The following ZMIZ1 variants were observed in gnomAD, a reference collection of about 807,000 sequenced individuals.
ZMIZ1 encodes the protein zinc finger MIZ domain-containing protein 1.
ZMIZ1 carries 17 observed loss-of-function variants against 113.9 expected under a neutral mutation model. The ratio of observed to expected loss-of-function variants is 0.15; its 90% CI spans 0.10 to 0.22. ZMIZ1 has a LOEUF of 0.22. Ranked by LOEUF, ZMIZ1 falls within the 10% of genes least tolerant of loss-of-function variation. The pLI, the probability that ZMIZ1 is intolerant of heterozygous loss-of-function variation, is 1.00. For synonymous variants in ZMIZ1, 607 were observed against 603.1 expected, an observed-to-expected ratio of 1.01 and a Z score of -0.09; for missense variants, 1,059 against 1,477.8, an observed-to-expected ratio of 0.72 and a Z score of 4.65.
At chr10:79,202,042 G>GCTCCAA (rs1464533814) in intron 5 of ZMIZ1, among the ~76,000 whole-genome samples, 1 of 114,704 alleles carries the variant, frequency 8.7e-6, no homozygotes, top group Non-Finnish European at 1.7e-5. Context: ...CTGCCCCTTT[G>GCTCCAA]CTCCAGTCGT....
intron 1 of ZMIZ1, among the ~76,000 whole-genome samples, chr10:79,077,344 G>A (rs1589245406): frequency 6.6e-6 from 1 of 152,318 alleles, no homozygotes; most frequent in East Asian, 1.9e-4. Flanking sequence ...TTCCTGGTGT[G>A]TGCAAGTGGG....
chr10:79,157,837 G>A (rs1845963840), intron 3 of ZMIZ1, among the ~76,000 whole-genome samples: 3 of 152,180 alleles, frequency 2.0e-5, no homozygotes, highest in Non-Finnish European at 2.9e-5. Flanking sequence ...GCCTGTCCCT[G>A]GGGTCATGTA....
chr10:79,239,478 C>T (rs1426650908), intron 7 of ZMIZ1, among the ~76,000 whole-genome samples: 1 of 152,194 alleles, frequency 6.6e-6, no homozygotes, highest in Non-Finnish European at 1.5e-5. Context: ...TGAGCGCCTA[C>T]GCCCGCATGG....
chr10:79,086,617 G>A (rs1051085387), intron 1 of ZMIZ1, among the ~76,000 whole-genome samples: 1 of 152,158 alleles, frequency 6.6e-6, no homozygotes, highest in Non-Finnish European at 1.5e-5. Flanking sequence ...GGACTCAAGC[G>A]ATCCTCCCAC....
At chr10:79,213,783 T>C (rs1049883463) in intron 6 of ZMIZ1, among the ~76,000 whole-genome samples, 1 of 152,192 alleles carries the variant, frequency 6.6e-6, no homozygotes, top group African/African-American at 2.4e-5. Flanking sequence ...CTGGATCACA[T>C]CCTGTCTCTG....
intron 1 of ZMIZ1, among the ~76,000 whole-genome samples, chr10:79,071,891 C>T (rs1589239080): frequency 6.7e-6 from 1 of 149,064 alleles, no homozygotes; most frequent in African/African-American, 2.5e-5. Context: ...TGTCCCAAAT[C>T]ACGAGGTTTT....
chr10:79,299,121 G>C lies in ZMIZ1; in HGVS notation c.1738G>C (p.Glu580Gln), dbSNP rs746826986. 1 of 1,612,312 alleles carries C rather than the reference G, an allele frequency of 6.2e-7. No individual in the cohort carries two copies. Among genetic ancestry groups the C allele is most frequent in the South Asian group, 1.1e-5 (1 of 91,080 alleles). The change falls in exon 16 of 25, where the codon GAG becomes CAG. Residue 580 changes from glutamate to glutamine, a missense_variant. This residue lies in a region of ZMIZ1 where 217 missense variants were observed against 426.9 expected (regional missense o/e 0.51). Transcript: ENST00000334512. ...CGTGGTGCTGGAGCCCTTCCGCCTG[G>C]AGCACAACCTGGCGGTCAGCAACCA... Reference protein sequence around the residue: ...DGVVLEPFRLEHNLAVSNHVF... With the variant: ...DGVVLEPFRLQHNLAVSNHVF...
intron 8 of ZMIZ1, among the ~76,000 whole-genome samples, chr10:79,279,065 T>C (rs1346642073): frequency 7.9e-6 from 1 of 127,124 alleles, no homozygotes; most frequent in African/African-American, 2.9e-5. Context: ...GGGCGGGGGC[T>C]GCCCCCCACC....
At chr10:79,093,015 T>TG (rs1475661140) in intron 1 of ZMIZ1, among the ~76,000 whole-genome samples, 1 of 151,750 alleles carries the variant, frequency 6.6e-6, no homozygotes, top group Non-Finnish European at 1.5e-5. Flanking sequence ...GAGAGGTTCC[T>TG]GGGGGTTCAA....
intron 14 of ZMIZ1, among the ~76,000 whole-genome samples, chr10:79,298,172 A>G (rs998714768): frequency 1.3e-5 from 2 of 152,094 alleles, no homozygotes; most frequent in Non-Finnish European, 2.9e-5. Context: ...CTCCACAGGC[A>G]CCTGACACAG....
chr10:79,155,775 T>TG (rs746492268), intron 3 of ZMIZ1, among the ~76,000 whole-genome samples: 2 of 152,374 alleles, frequency 1.3e-5, no homozygotes, highest in Admixed American at 6.5e-5. Context: ...TGCTCACTGA[T>TG]GCCCTCTGCA....
In ZMIZ1 at chr10:79,144,423, G is replaced by A. The variant is rs540780777; in HGVS notation, c.-131+4646G>A. ...GCCCCATTTTGCAGGTGAGGAAACC[G>A]AGGCCCAGAGAAGGTAAGACACTTG... On this transcript the variant is annotated intron_variant, in intron 3 of 24. Transcript: ENST00000334512. Among the ~76,000 whole-genome samples, 9 of 152,248 alleles carry A rather than the reference G, an allele frequency of 5.9e-5. 1 individual carries two copies. The East Asian group carries it at 1.4e-3, about 23-fold the overall frequency.
intron 1 of ZMIZ1, among the ~76,000 whole-genome samples, chr10:79,104,058 C>T (rs1441893308): frequency 2.0e-5 from 3 of 152,222 alleles, no homozygotes; most frequent in African/African-American, 7.2e-5. Context: ...GGAAGGACAG[C>T]AGGAGTAGCA....
chr10:79,291,609 G>T (rs1853500563), intron 10 of ZMIZ1, among the ~76,000 whole-genome samples: 1 of 152,268 alleles, frequency 6.6e-6, no homozygotes, highest in South Asian at 2.1e-4. Context: ...ACTATGCAGA[G>T]ACTGCGAGTC....
chr10:79,110,074 C>T (rs757601426), intron 1 of ZMIZ1, among the ~76,000 whole-genome samples: 49 of 152,234 alleles, frequency 3.2e-4, no homozygotes, highest in Admixed American at 2.6e-4. Context: ...GCATGCATGG[C>T]CTGGGCCAGA....
At chr10:79,275,823 T>G (rs1431631996) in intron 7 of ZMIZ1, among the ~76,000 whole-genome samples, 3 of 152,124 alleles carry the variant, frequency 2.0e-5, no homozygotes, top group Admixed American at 2.0e-4. Context: ...TTTGCCTGAC[T>G]GGGCCCCCGT....
intron 7 of ZMIZ1, among the ~76,000 whole-genome samples, chr10:79,271,108 C>G (rs1320040117): frequency 6.6e-6 from 1 of 152,142 alleles, no homozygotes; most frequent in African/African-American, 2.4e-5. Flanking sequence ...GGGAAGGGGC[C>G]CTGTGCAACA....
chr10:79,232,020 G>GT (rs112051234), intron 7 of ZMIZ1, among the ~76,000 whole-genome samples: 1 of 152,216 alleles, frequency 6.6e-6, no homozygotes, highest in Admixed American at 6.5e-5. Flanking sequence ...AGGAGGGTCA[G>GT]TTTTTGGAGA....
At chr10:79,239,677 C>T (rs561222264) in intron 7 of ZMIZ1, among the ~76,000 whole-genome samples, 1 of 152,108 alleles carries the variant, frequency 6.6e-6, no homozygotes, top group Admixed American at 6.5e-5. Context: ...GGCCTCTCAG[C>T]CCCCAGGCCT....
Sources: allele counts gnomAD v4.1 joint callset (sites outside exome capture counted in the v4.1 genomes callset), GRCh38; gene constraint gnomAD v4.1.1; regional missense constraint gnomAD v4.1.1; transcripts MANE v1.5; gene names NCBI Gene and HGNC (gene_info 2026-07-23, HGNC 2026-07-21).